The following SLC14A2 variants were observed in gnomAD, a reference collection of about 807,000 sequenced individuals.
The protein encoded by SLC14A2 is urea transporter 2.
Under a neutral mutation model 104.6 loss-of-function variants are expected in SLC14A2, and 91 were observed. The ratio of observed to expected loss-of-function variants is 0.87; its 90% CI spans 0.73 to 1.04. The LOEUF is 1.04. SLC14A2 is among the 50% of genes least tolerant of loss of function. SLC14A2 has a pLI of 0.00. For synonymous variants in SLC14A2, 476 were observed against 466.4 expected (o/e 1.02, Z -0.27); for missense variants, 1,189 against 1,156.0 (o/e 1.03, Z -0.41).
chr18:45,231,866 G>A (rs1230297276), intron 1 of SLC14A2, among the ~76,000 whole-genome samples: 1 of 152,182 alleles, frequency 6.6e-6, no homozygotes, highest in Non-Finnish European at 1.5e-5. Context: ...AGTGTTTATA[G>A]TGTGGTGATG....
At chr18:45,360,774 C>G (rs2085602436) in intron 1 of SLC14A2, among the ~76,000 whole-genome samples, 1 of 152,186 alleles carries the variant, frequency 6.6e-6, no homozygotes. Flanking sequence ...TAAAAATATG[C>G]TACAGAGAGA....
At chr18:45,262,686 C>A (rs1350611154) in intron 1 of SLC14A2, among the ~76,000 whole-genome samples, 4 of 152,150 alleles carry the variant, frequency 2.6e-5, no homozygotes, top group Non-Finnish European at 4.4e-5. Flanking sequence ...GGGGGAGCCA[C>A]TTTGTAGTCC....
At chr18:45,531,863 G>T (rs1180464841) in intron 2 of SLC14A2, among the ~76,000 whole-genome samples, 3 of 152,144 alleles carry the variant, frequency 2.0e-5, no homozygotes, top group Non-Finnish European at 2.9e-5. Flanking sequence ...AATCCATCTT[G>T]AATTACTTTT....
intron 1 of SLC14A2, among the ~76,000 whole-genome samples, chr18:45,238,362 G>A (rs77465533): frequency 3.3e-4 from 50 of 152,318 alleles, no homozygotes; most frequent in Non-Finnish European, 6.6e-4. Context: ...TCCGGTCTCT[G>A]CAAACCTGAG....
At chr18:45,331,953 C>A (rs1402183446) in intron 1 of SLC14A2, among the ~76,000 whole-genome samples, 2 of 152,208 alleles carry the variant, frequency 1.3e-5, no homozygotes, top group Admixed American at 6.5e-5. Flanking sequence ...GTGCAGACAG[C>A]AGGTGGGGTT....
At chr18:45,582,487 T>TAA (rs56070611) in intron 2 of SLC14A2, among the ~76,000 whole-genome samples, 46 of 151,662 alleles carry the variant, frequency 3.0e-4, no homozygotes, top group African/African-American at 7.2e-4. Flanking sequence ...GCCATATCAA[T>TAA]AAAAAAAAAT....
chr18:45,355,481 G>A (rs1327664118), intron 1 of SLC14A2, among the ~76,000 whole-genome samples: 1 of 150,454 alleles, frequency 6.6e-6, no homozygotes, highest in Non-Finnish European at 1.5e-5. Context: ...AGGAGGCTGA[G>A]GCAGGAGAAT....
upstream of SLC14A2, among the ~76,000 whole-genome samples, chr18:45,611,285 C>A (rs941745998): frequency 6.6e-6 from 1 of 152,156 alleles, no homozygotes; most frequent in Non-Finnish European, 1.5e-5. Flanking sequence ...GATTTCTACC[C>A]CCTCCCAGGG....
chr18:45,527,285 C>T (rs1218876790), intron 2 of SLC14A2, among the ~76,000 whole-genome samples: 1 of 152,088 alleles, frequency 6.6e-6, no homozygotes, highest in African/African-American at 2.4e-5. Context: ...CTCTCAGCTC[C>T]CGAGATGACG....
At chr18:45,191,031 A>G in the SLC14A2 span, among the ~76,000 whole-genome samples, 1 of 152,104 alleles carries the variant, frequency 6.6e-6, no homozygotes, top group Non-Finnish European at 1.5e-5. Flanking sequence ...TGAAGTACCT[A>G]TAGCTCAATG....
chr18:45,564,738 A>G (rs905851355), intron 2 of SLC14A2, among the ~76,000 whole-genome samples: 10 of 152,274 alleles, frequency 6.6e-5, no homozygotes, highest in East Asian at 1.9e-4. Flanking sequence ...GCATTGTGCC[A>G]ATGAAGGGCT....
chr18:45,395,940 A>G (rs2086025200), intron 1 of SLC14A2, among the ~76,000 whole-genome samples: 1 of 152,156 alleles, frequency 6.6e-6, no homozygotes, highest in South Asian at 2.1e-4. Flanking sequence ...ACATCGTTTC[A>G]GGTGTGATCA....
rs1200667211 is a variant in SLC14A2, at chr18:45,682,802, G to A, written c.*283G>A. The A allele has an allele frequency of 1.9e-5, 7 of 369,156 alleles. No homozygotes were observed. The East Asian group carries it at 2.3e-4, about 12-fold the overall frequency. 22.9% of individuals were successfully genotyped at this position (369,156 alleles called of 1,614,324 possible). ...CTGCGAAATAAGCCTCATCCTTAAA[G>A]AGAAGTCACCGGCCGGGCACGGTGG... is the stretch of plus-strand genomic sequence containing the variant. On this transcript the variant is annotated 3_prime_UTR_variant, in exon 20 of 20. Transcript: ENST00000255226.
At chr18:45,395,699 C>T (rs568078337) in intron 1 of SLC14A2, among the ~76,000 whole-genome samples, 14 of 152,222 alleles carry the variant, frequency 9.2e-5, no homozygotes, top group Admixed American at 9.2e-4. Flanking sequence ...ACTTTACCCA[C>T]CCACTCAGAG....
intron 4 of SLC14A2, among the ~76,000 whole-genome samples, chr18:45,627,360 G>C (rs2045276649): frequency 6.6e-6 from 1 of 152,178 alleles, no homozygotes; most frequent in African/African-American, 2.4e-5. Flanking sequence ...GGAGACTTCT[G>C]CAAACACTGC....
intron 1 of SLC14A2, among the ~76,000 whole-genome samples, chr18:45,270,115 T>C (rs1452423354): frequency 6.6e-6 from 1 of 152,082 alleles, no homozygotes; most frequent in Non-Finnish European, 1.5e-5. Context: ...TTCCTCATCA[T>C]TTGATAGGAC....
intron 1 of SLC14A2, among the ~76,000 whole-genome samples, chr18:45,214,978 C>G (rs2083997311): frequency 6.7e-6 from 1 of 150,284 alleles, no homozygotes; most frequent in Admixed American, 6.6e-5. Context: ...TAGCTTATAT[C>G]CAGTGAGTGC....
At position 45,644,023 on chromosome 18, in the gene SLC14A2, C is replaced by T; in HGVS notation, c.1214C>T (p.Ala405Val). 1 of 1,614,164 alleles carries T rather than the reference C, an allele frequency of 6.2e-7. No individual in the cohort carries two copies. The highest frequency in any genetic ancestry group is 8.5e-7 in the Non-Finnish European group (1 of 1,179,994). Residue 405 changes from alanine to valine, a missense_variant, in exon 10 of 20, where the codon GCC becomes GTC. Coordinates refer to ENST00000255226, the MANE Select transcript of SLC14A2 (RefSeq NM_007163.4). The part of the protein sequence containing the change: ...VPPGTWAFCL[A>V]TIIFLLLTTN... ...CCAGGCACCTGGGCCTTCTGCCTTGCCACCATCATCTTCCTGCTCCTGACG... is the reference window on the plus strand; with the variant it reads ...CCAGGCACCTGGGCCTTCTGCCTTGTCACCATCATCTTCCTGCTCCTGACG...
At chr18:45,522,239 G>A (rs890956260) in intron 2 of SLC14A2, among the ~76,000 whole-genome samples, 4 of 152,226 alleles carry the variant, frequency 2.6e-5, no homozygotes, top group African/African-American at 7.2e-5. Flanking sequence ...TTCTGGGTAT[G>A]ATGTGTTGTG....
Sources: allele counts gnomAD v4.1 joint callset (sites outside exome capture counted in the v4.1 genomes callset), GRCh38; gene constraint gnomAD v4.1.1; transcripts MANE v1.5; gene names NCBI Gene and HGNC (gene_info 2026-07-23, HGNC 2026-07-21).